Variants in ANK3 observed in about 807,000 individuals in gnomAD.
ANK3 encodes the protein ankyrin-3.
Under a neutral mutation model 370.9 loss-of-function variants are expected in ANK3, and 57 were observed. That is an observed-to-expected ratio of 0.15 (90% confidence interval 0.12 to 0.19). ANK3 has a LOEUF of 0.19. ANK3 is among the 10% of genes least tolerant of loss of function. ANK3 has a pLI of 1.00. For synonymous variants in ANK3, 1,929 were observed against 1,946.3 expected, an observed-to-expected ratio of 0.99 and a Z score of 0.23; for missense variants, 4,439 against 5,302.1, an observed-to-expected ratio of 0.84 and a Z score of 5.06.
At chr10:60,404,109 A>G (rs1315721947) in intron 2 of ANK3, among the ~76,000 whole-genome samples, 1 of 152,214 alleles carries the variant, frequency 6.6e-6, no homozygotes, top group African/African-American at 2.4e-5. Flanking sequence ...ATCTATATTA[A>G]GGTAAAAATC....
intron 1 of ANK3, among the ~76,000 whole-genome samples, chr10:60,674,759 T>C (rs561776285): frequency 2.6e-5 from 4 of 152,336 alleles, no homozygotes; most frequent in Admixed American, 6.5e-5. Flanking sequence ...TAACCACTGT[T>C]CTGATTTATA....
intron 23 of ANK3, chr10:60,146,003 T>G: frequency 8.5e-7 from 1 of 1,179,998 alleles, no homozygotes; most frequent in South Asian, 1.3e-5. Flanking sequence ...GGGAATTTTG[T>G]ACCATGTGCA....
chr10:60,045,666 T>C (rs563212583), intron 42 of ANK3, among the ~76,000 whole-genome samples: 79 of 152,272 alleles, frequency 5.2e-4, no homozygotes, highest in Admixed American at 1.4e-3. Context: ...TTTTGTTTTG[T>C]TTTAGGGAAA....
At chr10:60,678,317 T>C (rs1446694997) in intron 1 of ANK3, among the ~76,000 whole-genome samples, 2 of 152,074 alleles carry the variant, frequency 1.3e-5, no homozygotes, top group African/African-American at 4.8e-5. Context: ...GGCTTTAACA[T>C]AGGAAAAAGG....
chr10:60,284,390 C>G (rs1392197249), intron 1 of ANK3, among the ~76,000 whole-genome samples: 1 of 152,164 alleles, frequency 6.6e-6, no homozygotes, highest in Admixed American at 6.6e-5. Flanking sequence ...GGTACTATTA[C>G]TAGCTCCATT....
chr10:60,713,525 ATAATC>A lies in ANK3; in HGVS notation c.57+19733_57+19737del, dbSNP rs374866554. ...GAAAAAAGACAAAGATCTAAAATCA[ATAATC>A]TAATCTAAGAAACTACAGAAGTAAG... On this transcript the variant is annotated intron_variant, in intron 1 of 43. Transcript: ENST00000373827. Among the ~76,000 whole-genome samples, 168 of 152,300 alleles carry A rather than the reference ATAATC, an allele frequency of 1.1e-3. 1 individual carries two copies. Among genetic ancestry groups the A allele is most frequent in the African/African-American group, 3.8e-3 (157 of 41,572 alleles).
rs531292226 is a variant in ANK3, at chr10:60,606,827, C to G, written c.96+8359G>C. Among the ~76,000 whole-genome samples, 89 of 152,224 alleles carry G rather than the reference C, an allele frequency of 5.8e-4. No individual in the cohort carries two copies. The South Asian group carries it at 0.018, about 31-fold the overall frequency. On this transcript the variant is annotated intron_variant, in intron 2 of 43. Coordinates refer to the ANK3 transcript ENST00000373827. Reference sequence around the variant, plus strand: ...GCTTCCTGCACAATTTCAAAAGCATCCCCTATGTCATGATAAATGTTGTGT... The same window carrying G: ...GCTTCCTGCACAATTTCAAAAGCATGCCCTATGTCATGATAAATGTTGTGT...
At chr10:60,712,721 T>C (rs543405585) in intron 1 of ANK3, among the ~76,000 whole-genome samples, 2 of 152,152 alleles carry the variant, frequency 1.3e-5, no homozygotes, top group East Asian at 3.9e-4. Flanking sequence ...AGAAACCCAC[T>C]TTAAATATAA....
At chr10:60,566,201 G>A (rs953406796) in intron 2 of ANK3, among the ~76,000 whole-genome samples, 8 of 152,156 alleles carry the variant, frequency 5.3e-5, no homozygotes, top group African/African-American at 1.9e-4. Flanking sequence ...AATGTTGTAT[G>A]TGTGTTCTGA....
intron 1 of ANK3, among the ~76,000 whole-genome samples, chr10:60,323,873 G>C (rs189323289): frequency 3.9e-4 from 60 of 152,266 alleles, no homozygotes; most frequent in Non-Finnish European, 7.2e-4. Flanking sequence ...GCCAGGGCAA[G>C]TCAGACCAGA....
chr10:60,159,574 G>A (rs919466152), intron 23 of ANK3, among the ~76,000 whole-genome samples: 1 of 152,022 alleles, frequency 6.6e-6, no homozygotes, highest in South Asian at 2.1e-4. Context: ...GACCCTAATA[G>A]ACATGCACAG....
At chr10:60,346,055 C>T (rs2055394420) in intron 1 of ANK3, among the ~76,000 whole-genome samples, 1 of 151,878 alleles carries the variant, frequency 6.6e-6, no homozygotes, top group African/African-American at 2.4e-5. Context: ...ATGTGGTTGG[C>T]CACTAGAAGA....
At chr10:60,126,624 G>T (rs565313495) in intron 25 of ANK3, among the ~76,000 whole-genome samples, 2 of 151,426 alleles carry the variant, frequency 1.3e-5, no homozygotes, top group Non-Finnish European at 2.9e-5. Context: ...GGAGGTAGAG[G>T]TTGCAGTGAG....
intron 1 of ANK3, among the ~76,000 whole-genome samples, chr10:60,384,839 T>C (rs1265585748): frequency 6.6e-6 from 1 of 152,176 alleles, no homozygotes; most frequent in Non-Finnish European, 1.5e-5. Context: ...TATCCTAGAA[T>C]CCGATCTCTC....
intron 1 of ANK3, among the ~76,000 whole-genome samples, chr10:60,307,585 CT>C (rs1157551187): frequency 6.6e-6 from 1 of 151,902 alleles, no homozygotes; most frequent in Non-Finnish European, 1.5e-5. Context: ...AGCAATCCTC[CT>C]GCCTTGGCCT....
In ANK3 at chr10:60,278,659, A is replaced by G. The variant is rs2098122519; in HGVS notation, c.414+115T>C. ...GTGTGCCAAATATAACTTTTTAAAT[A>G]TAGTTCTTAAGTATTCTGTTCTTAG... On this transcript the variant is annotated intron_variant, in intron 4 of 43. Coordinates refer to ENST00000280772, the MANE Select transcript of ANK3 (RefSeq NM_020987.5). 9 of 846,124 alleles carry G rather than the reference A, an allele frequency of 1.1e-5. No individual in the cohort carries two copies. In the South Asian group the frequency reaches 1.5e-4, roughly 14 times the overall value. The allele number at this position is 846,124 out of a possible 1,614,324, so 52.4% of individuals were successfully genotyped here. A position where few individuals can be genotyped will look rare whatever the true frequency, so the allele number is the denominator to read the frequency against.
intron 1 of ANK3, among the ~76,000 whole-genome samples, chr10:60,314,531 G>A (rs529953979): frequency 6.6e-6 from 1 of 152,182 alleles, no homozygotes; most frequent in Admixed American, 6.5e-5. Context: ...CTGGGAATCT[G>A]TGTTATATGA....
rs575598507 is a variant in ANK3, at chr10:60,581,491, C to A, written c.96+33695G>T. Among the ~76,000 whole-genome samples the A allele has an allele frequency of 3.6e-4, 54 of 148,800 alleles. No homozygotes were observed. In the Middle Eastern group the frequency reaches 0.014, roughly 39 times the overall value. ...CCAGGCTGGAGTGCAGTGGCACAAT[C>A]TCAGCTCACTGCAAGCTTTGCCACC... On this transcript the variant is annotated intron_variant, in intron 2 of 43. Coordinates refer to the ANK3 transcript ENST00000373827.
chr10:60,715,339 G>A (rs1163319839), intron 1 of ANK3, among the ~76,000 whole-genome samples: 1 of 151,828 alleles, frequency 6.6e-6, no homozygotes, highest in African/African-American at 2.4e-5. Context: ...GCACAAAGAG[G>A]TGTGTCACTG....
Sources: allele counts gnomAD v4.1 joint callset (sites outside exome capture counted in the v4.1 genomes callset), GRCh38; gene constraint gnomAD v4.1.1; transcripts MANE v1.5; gene names NCBI Gene and HGNC (gene_info 2026-07-23, HGNC 2026-07-21).